The following SGIP1 variants were observed in gnomAD, a reference collection of about 807,000 sequenced individuals.
The protein encoded by SGIP1 is SH3GL interacting endocytic adaptor 1.
A neutral mutation model predicts 107.5 loss-of-function variants in SGIP1; 38 were observed. That is an observed-to-expected ratio of 0.35 (90% confidence interval 0.27 to 0.46). The LOEUF (loss-of-function observed/expected upper bound fraction) is 0.46, where lower values mean the gene tolerates loss of function less well. SGIP1 is among the 20% of genes least tolerant of loss of function. The pLI, the probability that SGIP1 is intolerant of heterozygous loss-of-function variation, is 1.00. For missense variants in SGIP1, 929 were observed against 1,019.5 expected (o/e 0.91, Z 1.21); for synonymous variants, 365 against 366.1 (o/e 1.00, Z 0.03).
At chr1:66,665,640 C>T (rs1361302771) in intron 8 of SGIP1, among the ~76,000 whole-genome samples, 1 of 152,132 alleles carries the variant, frequency 6.6e-6, no homozygotes, top group East Asian at 1.9e-4. Flanking sequence ...CCTGTTGTTT[C>T]CTGACTTTTA....
chr1:66,584,884 C>T (rs2062369854), intron 1 of SGIP1, among the ~76,000 whole-genome samples: 1 of 152,112 alleles, frequency 6.6e-6, no homozygotes. Context: ...CTGTGTTGAC[C>T]TTTCTTCATG....
chr1:66,631,782 C>T (rs10889637), intron 2 of SGIP1, among the ~76,000 whole-genome samples: 56,471 of 149,482 alleles, frequency 0.38, 11,431 homozygotes, highest in African/African-American at 0.52. Context: ...TTGCACCTTC[C>T]GAAGAATGGT....
intron 7 of SGIP1, among the ~76,000 whole-genome samples, chr1:66,652,637 C>T (rs555053268): frequency 2.0e-5 from 3 of 151,940 alleles, no homozygotes; most frequent in African/African-American, 4.8e-5. Flanking sequence ...CACCCTTCCA[C>T]CCCCAAATTA....
upstream of SGIP1, chr1:66,533,521 A>G (rs2147903426): frequency 6.7e-6 from 1 of 148,430 alleles, no homozygotes; most frequent in Middle Eastern, 3.5e-3. Flanking sequence ...CTTCTGCATC[A>G]TCCTTTTGGG....
chr1:66,552,769 G>T (rs998482557), intron 1 of SGIP1, among the ~76,000 whole-genome samples: 1 of 152,038 alleles, frequency 6.6e-6, no homozygotes, highest in Non-Finnish European at 1.5e-5. Context: ...ATAATTGCTC[G>T]CCTAATTAAT....
chr1:66,690,713 T>C lies in SGIP1; in HGVS notation c.1570+397T>C, dbSNP rs539021713. 4.5e-4 allele frequency among the ~76,000 whole-genome samples: 69 copies of C among 152,342 alleles called. 2 individuals are homozygous for C. The South Asian group carries it at 4.8e-3, about 11-fold the overall frequency. ...CATCAGAAATCACAAAATTTAGAAC[T>C]TGTATTTTCTTGAAGCTTTCATTTC... On this transcript the variant is annotated intron_variant, in intron 17 of 24. Coordinates refer to ENST00000371037, the MANE Select transcript of SGIP1 (RefSeq NM_032291.4).
At chr1:66,624,119 C>T (rs2149297650) in intron 1 of SGIP1, among the ~76,000 whole-genome samples, 1 of 150,530 alleles carries the variant, frequency 6.6e-6, no homozygotes, top group Middle Eastern at 3.4e-3. Context: ...ATGATAATAG[C>T]ATTGGTTTTA....
chr1:66,658,553 A>C (rs1181435486), intron 7 of SGIP1, among the ~76,000 whole-genome samples: 1 of 152,232 alleles, frequency 6.6e-6, no homozygotes, highest in East Asian at 1.9e-4. Flanking sequence ...ACTGTGCTTC[A>C]AACATTTGTA....
At chr1:66,682,853 G>A (rs569513116) in intron 15 of SGIP1, among the ~76,000 whole-genome samples, 17 of 150,996 alleles carry the variant, frequency 1.1e-4, no homozygotes, top group Non-Finnish European at 1.9e-4. Context: ...TTCTTTTTTG[G>A]TTGTGGAAGA....
chr1:66,651,423 T>A (rs1998716), intron 7 of SGIP1, among the ~76,000 whole-genome samples: 82,816 of 152,060 alleles, frequency 0.54, 24,135 homozygotes, highest in East Asian at 0.91. Flanking sequence ...CAGAAAGTTC[T>A]GTTTCTAATT....
At chr1:66,619,089 T>C (rs1028266108) in intron 1 of SGIP1, among the ~76,000 whole-genome samples, 1 of 152,166 alleles carries the variant, frequency 6.6e-6, no homozygotes, top group African/African-American at 2.4e-5. Flanking sequence ...ATTGCCAACT[T>C]ACCTCCTCTT....
intron 8 of SGIP1, chr1:66,665,815 G>A (rs1039906374): frequency 2.0e-5 from 3 of 152,138 alleles, no homozygotes; most frequent in African/African-American, 7.2e-5. Flanking sequence ...TTTTGATGGG[G>A]TTATTTGATT....
chr1:66,637,791 ATGTG>A (rs750385755), intron 4 of SGIP1, among the ~76,000 whole-genome samples: 1 of 150,248 alleles, frequency 6.7e-6, no homozygotes, highest in East Asian at 2.0e-4. Flanking sequence ...ATATATATGC[ATGTG>A]TGTGTATGTA....
chr1:66,722,093 A>T (rs1413896101), intron 19 of SGIP1, among the ~76,000 whole-genome samples: 1 of 150,434 alleles, frequency 6.6e-6, no homozygotes, highest in Non-Finnish European at 1.5e-5. Context: ...TCCAACCCTC[A>T]CCTCCATATT....
chr1:66,635,629 C>T (rs1256458368), intron 3 of SGIP1, among the ~76,000 whole-genome samples: 1 of 152,186 alleles, frequency 6.6e-6, no homozygotes, highest in African/African-American at 2.4e-5. Context: ...TGTGCCTGTT[C>T]TCTACGTGTA....
intron 6 of SGIP1, among the ~76,000 whole-genome samples, 186 bp downstream of exon 6, chr1:66,643,050 C>CTA (rs1558182065): frequency 2.8e-5 from 2 of 72,296 alleles, no homozygotes; most frequent in South Asian, 1.3e-3. Flanking sequence ...TTGCCTTAAT[C>CTA]TATTCATAGA....
At chr1:66,670,938 T>C (rs941846148) in intron 9 of SGIP1, 57 bp from the exon 10 acceptor site, 2 of 795,294 alleles carry the variant, frequency 2.5e-6, no homozygotes, top group Admixed American at 5.8e-5. Context: ...AAATAATACA[T>C]ATTGTACATA....
chr1:66,601,625 A>G (rs1197648534), intron 1 of SGIP1, among the ~76,000 whole-genome samples: 1 of 152,164 alleles, frequency 6.6e-6, no homozygotes, highest in East Asian at 1.9e-4. Context: ...GTTTTCAAAA[A>G]TTTATTTACT....
In SGIP1 at chr1:66,719,417, A is replaced by G; in HGVS notation, c.1742+12A>G. ...GCAGACCCAAGCAAGTAAGCCTGAT[A>G]CTTGGTCCATTGTACTTTCTGAGTT... On this transcript the variant is annotated intron_variant, in intron 19 of 24. Transcript: ENST00000371037. The G allele has an allele frequency of 1.9e-6, 3 of 1,596,986 alleles. No homozygotes were observed. The highest frequency in any genetic ancestry group is 2.6e-6 in the Non-Finnish European group (3 of 1,165,226).
Sources: allele counts gnomAD v4.1 joint callset (sites outside exome capture counted in the v4.1 genomes callset), GRCh38; gene constraint gnomAD v4.1.1; transcripts MANE v1.5; gene names NCBI Gene and HGNC (gene_info 2026-07-23, HGNC 2026-07-21).